CSMD1: variants seen among roughly 807,000 people sequenced by gnomAD.
CSMD1 encodes the protein CUB and Sushi multiple domains 1.
Under a neutral mutation model 417.5 loss-of-function variants are expected in CSMD1, and 213 were observed. The observed-to-expected ratio is 0.51, with a 90% CI of 0.46 to 0.57. The LOEUF (loss-of-function observed/expected upper bound fraction) is 0.57. Among genes scored for constraint, CSMD1 ranks in the 20% least tolerant of loss-of-function variants. The pLI is 0.00. For synonymous variants in CSMD1, 2,862 were observed against 1,736.8 expected (o/e 1.65, Z -16.11); for missense variants, 6,923 against 4,529.7 (o/e 1.53, Z -15.17).
chr8:3,454,116 C>T (rs6986675), intron 12 of CSMD1, among the ~76,000 whole-genome samples: 1 of 152,086 alleles, frequency 6.6e-6, no homozygotes, highest in East Asian at 1.9e-4. Flanking sequence ...TCTGTTTTAT[C>T]AGAGACTAGG....
intron 5 of CSMD1, among the ~76,000 whole-genome samples, chr8:3,812,983 G>C (rs931985644): frequency 1.3e-5 from 2 of 152,010 alleles, no homozygotes; most frequent in African/African-American, 2.4e-5. Context: ...TTTCTTGGGA[G>C]GAAATCTGGA....
intron 2 of CSMD1, among the ~76,000 whole-genome samples, chr8:4,590,888 C>T (rs1422280252): frequency 1.3e-5 from 2 of 152,172 alleles, no homozygotes; most frequent in African/African-American, 4.8e-5. Context: ...CAGAACTCAT[C>T]GTACACATTT....
At chr8:4,147,221 C>G (rs892207586) in intron 3 of CSMD1, among the ~76,000 whole-genome samples, 4 of 152,090 alleles carry the variant, frequency 2.6e-5, no homozygotes, top group African/African-American at 9.7e-5. Context: ...AAAGAAAGCA[C>G]GCATGATTTG....
At chr8:3,940,497 CTGTGTGTGTGTGTGTGTGTGTGTGTGTG>C (rs34005059) in intron 5 of CSMD1, among the ~76,000 whole-genome samples, 3 of 144,952 alleles carry the variant, frequency 2.1e-5, no homozygotes, top group African/African-American at 7.6e-5. Context: ...ATTATTTCCT[CTGTGTGTGTGTGTGTGTGTGTGTGTGTG>C]TGTGTGTGTG....
intron 7 of CSMD1, among the ~76,000 whole-genome samples, chr8:3,666,660 C>T (rs1798711154): frequency 6.6e-6 from 1 of 152,150 alleles, no homozygotes; most frequent in African/African-American, 2.4e-5. Context: ...CAGTTTCCCC[C>T]ATACTGTTCT....
At chr8:4,841,930 A>AAAAAAAAAAAAAAAAC (rs1192383183) in intron 1 of CSMD1, among the ~76,000 whole-genome samples, 19 of 122,470 alleles carry the variant, frequency 1.6e-4, no homozygotes, top group East Asian at 2.8e-4. Context: ...AAAAAAAAAA[A>AAAAAAAAAAAAAAAAC]AAAAAAAAGT....
chr8:4,662,518 T>C (rs542085474), intron 1 of CSMD1, among the ~76,000 whole-genome samples: 1 of 152,366 alleles, frequency 6.6e-6, no homozygotes, highest in African/African-American at 2.4e-5. Flanking sequence ...AAAGTCCATC[T>C]GTGTTTTTCA....
At chr8:3,389,425 T>G (rs1320418793) in intron 17 of CSMD1, among the ~76,000 whole-genome samples, 1 of 152,082 alleles carries the variant, frequency 6.6e-6, no homozygotes, top group Non-Finnish European at 1.5e-5. Flanking sequence ...GCTCCTAGCA[T>G]CAAGATCAAA....
intron 2 of CSMD1, among the ~76,000 whole-genome samples, chr8:4,603,050 C>A (rs1342707044): frequency 6.6e-6 from 1 of 151,470 alleles, no homozygotes; most frequent in African/African-American, 2.4e-5. Context: ...TAAAAATGAA[C>A]TAAAAGTATA....
At chr8:3,305,668 T>A (rs367986593) in intron 25 of CSMD1, among the ~76,000 whole-genome samples, 1 of 152,172 alleles carries the variant, frequency 6.6e-6, no homozygotes, top group East Asian at 1.9e-4. Context: ...CTAAACTTCT[T>A]AACTTACTAA....
intron 3 of CSMD1, among the ~76,000 whole-genome samples, chr8:4,334,770 T>G (rs908233104): frequency 1.3e-5 from 2 of 152,284 alleles, no homozygotes; most frequent in East Asian, 3.9e-4. Context: ...TAGTTGAATG[T>G]AGGCATTTTA....
chr8:4,297,381 G>A (rs546269199), intron 3 of CSMD1, among the ~76,000 whole-genome samples: 3 of 152,088 alleles, frequency 2.0e-5, no homozygotes, highest in South Asian at 2.1e-4. Context: ...GACGTTCAGC[G>A]TACTGTAATT....
At chr8:4,733,170 G>C (rs1283647010) in intron 1 of CSMD1, among the ~76,000 whole-genome samples, 1 of 152,118 alleles carries the variant, frequency 6.6e-6, no homozygotes, top group African/African-American at 2.4e-5. Flanking sequence ...TGTCTACCAA[G>C]TACTGAAAAA....
At chr8:3,699,608 A>G (rs192778993) in intron 7 of CSMD1, among the ~76,000 whole-genome samples, 2 of 152,174 alleles carry the variant, frequency 1.3e-5, no homozygotes, top group African/African-American at 4.8e-5. Context: ...TTCCATTTTT[A>G]CTCAATCATC....
chr8:4,455,461 T>G (rs1171950797), intron 2 of CSMD1, among the ~76,000 whole-genome samples: 1 of 152,160 alleles, frequency 6.6e-6, no homozygotes, highest in African/African-American at 2.4e-5. Context: ...CACAGCCACC[T>G]TGCTTGACAG....
intron 68 of CSMD1, 45 bp downstream of exon 68, chr8:2,949,254 G>C: frequency 9.3e-7 from 1 of 1,073,158 alleles, no homozygotes; most frequent in East Asian, 2.5e-5. Context: ...TCATTGGAAA[G>C]CCAAACTGAT....
intron 2 of CSMD1, among the ~76,000 whole-genome samples, chr8:4,617,065 A>C (rs773382083): frequency 3.8e-4 from 58 of 152,230 alleles, no homozygotes; most frequent in Non-Finnish European, 6.6e-4. Flanking sequence ...TATTTTTATA[A>C]ATAATAGATG....
At chr8:4,952,344 G>C (rs9285041) in intron 1 of CSMD1, among the ~76,000 whole-genome samples, 3 of 123,046 alleles carry the variant, frequency 2.4e-5, no homozygotes, top group Non-Finnish European at 5.5e-5. Flanking sequence ...AACCCAATAA[G>C]TGAAACTGAA....
At chr8:3,358,914 A>G (rs1273654174) in intron 21 of CSMD1, among the ~76,000 whole-genome samples, 1 of 151,032 alleles carries the variant, frequency 6.6e-6, no homozygotes, top group Non-Finnish European at 1.5e-5. Flanking sequence ...CTTTGGTTTC[A>G]CTCTTGTTCA....
Sources: allele counts gnomAD v4.1 joint callset (sites outside exome capture counted in the v4.1 genomes callset), GRCh38; gene constraint gnomAD v4.1.1; transcripts MANE v1.5; gene names NCBI Gene and HGNC (gene_info 2026-07-23, HGNC 2026-07-21).